RBFOX1: variants seen among roughly 807,000 people sequenced by gnomAD.
RBFOX1 encodes the protein RNA binding fox-1 homolog 1.
Under a neutral mutation model 57.7 loss-of-function variants are expected in RBFOX1, and 8 were observed. The observed-to-expected ratio is 0.14, with a 90% CI of 0.08 to 0.25. The LOEUF (loss-of-function observed/expected upper bound fraction) is 0.25, where lower values mean the gene tolerates loss of function less well. RBFOX1 is among the 10% of genes least tolerant of loss of function. The pLI, the probability that RBFOX1 is intolerant of heterozygous loss-of-function variation, is 1.00. For missense variants in RBFOX1, 611 were observed against 548.5 expected, an observed-to-expected ratio of 1.11 and a Z score of -1.14; for synonymous variants, 326 against 222.4, an observed-to-expected ratio of 1.47 and a Z score of -4.15.
At chr16:7,260,607 A>G (rs1311282633) in intron 4 of RBFOX1, among the ~76,000 whole-genome samples, 2 of 152,212 alleles carry the variant, frequency 1.3e-5, no homozygotes, top group Non-Finnish European at 2.9e-5. Context: ...TATGTAGGTA[A>G]GATAACAGAG....
intron 1 of RBFOX1, among the ~76,000 whole-genome samples, chr16:5,432,078 C>T (rs890777414): frequency 2.0e-5 from 3 of 152,094 alleles, no homozygotes; most frequent in African/African-American, 7.2e-5. Flanking sequence ...GGGGACTGCA[C>T]AGCCCTGAGA....
intron 4 of RBFOX1, among the ~76,000 whole-genome samples, chr16:7,383,267 TAA>T (rs201018914): frequency 2.2e-5 from 3 of 134,782 alleles, no homozygotes; most frequent in African/African-American, 8.0e-5. Context: ...CCATAAAAAT[TAA>T]AAAAAAAAAA....
intron 1 of RBFOX1, chr16:5,240,170 A>G (rs2062128443): frequency 1.8e-6 from 2 of 1,128,306 alleles, no homozygotes; most frequent in South Asian, 1.3e-5. Context: ...GACGCGGGGT[A>G]GGGGCTGCGG....
At chr16:6,544,372 A>G (rs966643412) in intron 2 of RBFOX1, among the ~76,000 whole-genome samples, 2 of 152,182 alleles carry the variant, frequency 1.3e-5, no homozygotes, top group Non-Finnish European at 2.9e-5. Context: ...CCCCTCTTGC[A>G]ATCTGAGGAA....
At chr16:7,033,046 C>G (rs750862517) in intron 3 of RBFOX1, among the ~76,000 whole-genome samples, 1 of 152,136 alleles carries the variant, frequency 6.6e-6, no homozygotes, top group African/African-American at 2.4e-5. Context: ...AGACTGTCCA[C>G]TAGCCCTGTC....
intron 3 of RBFOX1, among the ~76,000 whole-genome samples, chr16:6,896,903 A>T (rs145480168): frequency 0.012 from 1,843 of 152,126 alleles, 24 homozygotes; most frequent in Admixed American, 0.017. Context: ...TGACATTTTT[A>T]AAAAAAATGC....
intron 2 of RBFOX1, among the ~76,000 whole-genome samples, chr16:6,499,357 C>T (rs2095854938): frequency 6.6e-6 from 1 of 151,552 alleles, no homozygotes; most frequent in Non-Finnish European, 1.5e-5. Flanking sequence ...ACTGTATAGA[C>T]ACCACAAACA....
At chr16:7,343,670 A>G (rs888757824) in intron 4 of RBFOX1, among the ~76,000 whole-genome samples, 1 of 152,146 alleles carries the variant, frequency 6.6e-6, no homozygotes, top group African/African-American at 2.4e-5. Flanking sequence ...TTGAAGTAAT[A>G]TATCTTAGGG....
At position 7,192,657 on chromosome 16, in the gene RBFOX1, C is replaced by T. The variant is rs117907872; in HGVS notation, c.27+140559C>T. On this transcript the variant is annotated intron_variant, in intron 4 of 15. Transcript: ENST00000550418. ...GACAGTTTAGATCATAGTATTGTTT[C>T]GACGTCAATTTCCTGGTACCCATCA... is the stretch of plus-strand genomic sequence containing the variant. Among the ~76,000 whole-genome samples, 176 of 152,176 alleles carry T rather than the reference C, an allele frequency of 1.2e-3. 2 individuals are homozygous for T. The East Asian group carries it at 0.015, about 13-fold the overall frequency.
intron 9 of RBFOX1, among the ~76,000 whole-genome samples, chr16:7,602,209 A>G (rs1346249650): frequency 6.6e-6 from 1 of 152,184 alleles, no homozygotes; most frequent in Non-Finnish European, 1.5e-5. Context: ...TAACCAGCAT[A>G]TTTTAGAAAT....
intron 3 of RBFOX1, among the ~76,000 whole-genome samples, chr16:6,772,631 G>A (rs927766465): frequency 6.8e-6 from 1 of 147,786 alleles, no homozygotes; most frequent in Non-Finnish European, 1.5e-5. Flanking sequence ...ATGTGTGAGT[G>A]TGGGGTGCAT....
At chr16:5,557,507 G>C (rs1037148401) in intron 2 of RBFOX1, among the ~76,000 whole-genome samples, 1 of 152,048 alleles carries the variant, frequency 6.6e-6, no homozygotes. Context: ...GCGGTAAGGG[G>C]TATCAGAGGG....
chr16:5,437,725 T>C (rs1178394810), intron 1 of RBFOX1, among the ~76,000 whole-genome samples: 1 of 152,192 alleles, frequency 6.6e-6, no homozygotes, highest in Non-Finnish European at 1.5e-5. Context: ...GAAGAAACTG[T>C]CCTGCAATGG....
intron 3 of RBFOX1, among the ~76,000 whole-genome samples, chr16:6,659,291 G>C (rs1197694576): frequency 6.6e-6 from 1 of 151,960 alleles, no homozygotes; most frequent in Non-Finnish European, 1.5e-5. Flanking sequence ...CTGGCCTGGT[G>C]CAGCTAAACA....
At chr16:6,006,372 A>G (rs1459622588) in intron 4 of RBFOX1, among the ~76,000 whole-genome samples, 1 of 101,098 alleles carries the variant, frequency 9.9e-6, no homozygotes, top group Non-Finnish European at 2.3e-5. Flanking sequence ...GCCCTACTGT[A>G]GGGAAAAAAA....
intron 14 of RBFOX1, among the ~76,000 whole-genome samples, chr16:7,688,545 A>T (rs1598138626): frequency 6.6e-6 from 1 of 152,008 alleles, no homozygotes; most frequent in African/African-American, 2.4e-5. Context: ...CTACTGTTTT[A>T]ATTTAACTCT....
Position 6,079,852 on chromosome 16 carries a change from GC to G in RBFOX1, c.-127+59862del, listed in dbSNP as rs1410052997. On this transcript the variant is annotated intron_variant, in intron 1 of 15. Coordinates refer to ENST00000550418, the MANE Select transcript of RBFOX1 (RefSeq NM_018723.4). ...CCCTGTCTCAAGCAAAAAAGAAAAA[GC>G]CTTTTTCTTGTAATTTTTAAATAAT... 2.0e-5 allele frequency among the ~76,000 whole-genome samples: 3 copies of G among 152,166 alleles called. No individual in the cohort carries two copies. In the East Asian group the frequency reaches 5.8e-4, roughly 30 times the overall value.
At chr16:7,471,793 T>C (rs887722627) in intron 4 of RBFOX1, among the ~76,000 whole-genome samples, 1 of 152,214 alleles carries the variant, frequency 6.6e-6, no homozygotes, top group African/African-American at 2.4e-5. Flanking sequence ...AAGAGTGATG[T>C]GTGATTCTCT....
intron 2 of RBFOX1, among the ~76,000 whole-genome samples, chr16:6,456,635 C>T (rs150123266): frequency 7.7e-4 from 117 of 152,114 alleles, no homozygotes; most frequent in African/African-American, 2.5e-3. Context: ...GAATGGATTG[C>T]GGTGGAAGGA....
Sources: gnomAD v4.1 joint callset for allele counts (sites outside exome capture counted in the v4.1 genomes callset) on GRCh38, gnomAD v4.1.1 for gene constraint, MANE v1.5 for transcripts, NCBI Gene and HGNC (gene_info 2026-07-23, HGNC 2026-07-21) for gene names.